The following SMC2 variants were observed in gnomAD, a reference collection of about 807,000 sequenced individuals.
SMC2 encodes the protein structural maintenance of chromosomes 2.
Under a neutral mutation model 142.6 loss-of-function variants are expected in SMC2, and 41 were observed. That is an observed-to-expected ratio of 0.29 (90% confidence interval 0.22 to 0.37). The LOEUF is 0.37. Ranked by LOEUF, SMC2 falls within the 10% of genes least tolerant of loss-of-function variation. The probability of loss-of-function intolerance (pLI) is 1.00; values close to 1 mark genes in which losing one functional copy is unlikely to be tolerated. For synonymous variants in SMC2, 463 were observed against 457.5 expected, an observed-to-expected ratio of 1.01 and a Z score of -0.15; for missense variants, 1,265 against 1,373.7, an observed-to-expected ratio of 0.92 and a Z score of 1.25.
chr9:104,096,916 T>A (rs1231844347), intron 3 of SMC2, among the ~76,000 whole-genome samples: 2 of 152,192 alleles, frequency 1.3e-5, no homozygotes, highest in Non-Finnish European at 2.9e-5. Flanking sequence ...TTCTTTCTTT[T>A]AATGGCACCT....
chr9:104,102,014 A>T lies in SMC2; in HGVS notation c.691A>T (p.Ser231Cys), dbSNP rs1034504889. ...AGTAATGAGAGAAATAGAACATTTG[A>T]GTCGTTTATATATTGCTTATCAGTT... Reference protein sequence around the residue: ...QKVMREIEHLSRLYIAYQFLL... With the variant: ...QKVMREIEHLCRLYIAYQFLL... The change falls in exon 8 of 25, where the codon AGT (serine) becomes TGT (cysteine). Residue 231 changes from serine to cysteine, a missense_variant. By Grantham distance (112) the Ser-to-Cys change is moderately radical. This residue lies in a region of SMC2 where 898 missense variants were observed against 904.2 expected (regional missense o/e 0.99). Coordinates refer to ENST00000374793, the MANE Select transcript of SMC2 (RefSeq NM_006444.3). 1 of 1,611,782 alleles carries T rather than the reference A, an allele frequency of 6.2e-7. No individual in the cohort carries two copies. The highest frequency in any genetic ancestry group is 1.7e-5 in the Admixed American group (1 of 59,760).
intron 9 of SMC2, among the ~76,000 whole-genome samples, chr9:104,104,878 C>T (rs1322818839): frequency 2.0e-5 from 3 of 152,210 alleles, no homozygotes; most frequent in Non-Finnish European, 4.4e-5. Context: ...CCCAGGAGGA[C>T]CACAGGCAGG....
intron 22 of SMC2, among the ~76,000 whole-genome samples, chr9:104,133,830 C>T (rs10991115): frequency 0.37 from 55,771 of 151,986 alleles, 10,616 homozygotes; most frequent in Middle Eastern, 0.43. Context: ...GGAGATGAGG[C>T]ATGTAGAAAA....
intron 9 of SMC2, among the ~76,000 whole-genome samples, chr9:104,110,794 G>A (rs1832351671): frequency 6.6e-6 from 1 of 152,170 alleles, no homozygotes; most frequent in African/African-American, 2.4e-5. Flanking sequence ...CCAGTCTTCT[G>A]TTCAAATGGC....
intron 13 of SMC2, among the ~76,000 whole-genome samples, chr9:104,115,925 A>G (rs543634900): frequency 4.0e-4 from 60 of 151,854 alleles, no homozygotes; most frequent in African/African-American, 1.4e-3. Flanking sequence ...TTTTTTTTTT[A>G]AAAGATTCCA....
chr9:104,132,105 C>T lies in SMC2; in HGVS notation c.3088C>T (p.Leu1030=), dbSNP rs138573495. 1.0e-4 allele frequency: 159 copies of T among 1,576,486 alleles called. No homozygotes were observed. Among genetic ancestry groups the T allele is most frequent in the Non-Finnish European group, 1.3e-4 (152 of 1,157,002 alleles). Residue 1030 remains leucine (L), a synonymous_variant, in exon 22 of 25, where the codon CTA becomes TTA. Transcript: ENST00000374793. Reference sequence around the variant, plus strand: ...CCTTGACCAGAAGAAAAACCAAGCCCTAAATATTGCATGGCAAAAGGTACT... The same window carrying T: ...CCTTGACCAGAAGAAAAACCAAGCCTTAAATATTGCATGGCAAAAGGTACT... ...EDLDQKKNQA[L]NIAWQKVNKD...
At chr9:104,134,934 TAA>T (rs1835371602) in intron 23 of SMC2, among the ~76,000 whole-genome samples, 2 of 152,094 alleles carry the variant, frequency 1.3e-5, no homozygotes, top group Non-Finnish European at 2.9e-5. Flanking sequence ...ATCACTAAGT[TAA>T]AAAGACAGAT....
rs768034031 is a variant in SMC2 at position 104,113,460 on chromosome 9, A to G, written c.1399A>G (p.Lys467Glu). 6.2e-7 allele frequency: 1 copy of G among 1,601,352 alleles called. No homozygotes were observed. The highest frequency in any genetic ancestry group is 1.7e-5 in the Admixed American group (1 of 57,512). Residue 467 changes from lysine (K) to glutamate (E), a missense_variant, in exon 11 of 25, where the codon AAG becomes GAG. Physicochemically the swap from Lys to Glu is moderately conservative, Grantham distance 56. Coordinates refer to ENST00000374793, the MANE Select transcript of SMC2 (RefSeq NM_006444.3). ...AGAAAAACTTGAAGCTGAAATGAAA[A>G]AGCTAAATTATGAAGGTTTGCCTTT... is the stretch of plus-strand genomic sequence containing the variant. ...LKEKLEAEMK[K>E]LNYEENKEES...
rs896600613 is a variant in SMC2 at position 104,124,355 on chromosome 9, G to T, written c.2258-557G>T. On this transcript the variant is annotated intron_variant, in intron 17 of 24. Coordinates refer to ENST00000374793, the MANE Select transcript of SMC2 (RefSeq NM_006444.3). ...CTGCCTTGGCTTCCCAAAGTGCTGG[G>T]ATTACACAGGCATGAACTACCACGC... 3.9e-5 allele frequency among the ~76,000 whole-genome samples: 6 copies of T among 152,102 alleles called. No individual in the cohort carries two copies. The East Asian group carries it at 1.2e-3, about 29-fold the overall frequency.
chr9:104,126,493 A>T (rs1834302946), intron 18 of SMC2, 148 bp from the exon 19 acceptor site: 1 of 478,926 alleles, frequency 2.1e-6, no homozygotes, highest in Non-Finnish European at 3.5e-6. Context: ...CTGGGGAAGC[A>T]GCTTAACCTG....
chr9:104,137,872 G>C, intron 23 of SMC2, 146 bp from the exon 24 acceptor site: 1 of 448,240 alleles, frequency 2.2e-6, no homozygotes, highest in Non-Finnish European at 3.7e-6. Context: ...AAGTGTTAAA[G>C]TTTGAAACTC....
rs1003426421 is a variant in SMC2, at chr9:104,140,496, AG to A, written c.*1182del. On this transcript the variant is annotated 3_prime_UTR_variant, in exon 25 of 25. Coordinates refer to ENST00000374793, the MANE Select transcript of SMC2 (RefSeq NM_006444.3). ...CTTGATTTTTTAGTCTTATTTCCTT[AG>A]TGTTATTATCATACTTCCCCTGATA... The A allele has an allele frequency of 6.6e-6, 1 of 152,402 alleles. No individual in the cohort carries two copies. Among genetic ancestry groups the A allele is most frequent in the Non-Finnish European group, 1.5e-5 (1 of 67,992 alleles). The allele number at this position is 152,402 out of a possible 1,614,324, so 9.4% of individuals were successfully genotyped here.
chr9:104,094,543 G>A, intron 1 of SMC2, 66 bp downstream of exon 1: 1 of 367,460 alleles, frequency 2.7e-6, no homozygotes, highest in African/African-American at 2.1e-5. Context: ...GGCGGGAGGC[G>A]GGAGGCGGGG....
At chr9:104,135,583 A>G (rs762341021) in intron 23 of SMC2, among the ~76,000 whole-genome samples, 29 of 152,276 alleles carry the variant, frequency 1.9e-4, no homozygotes, top group Non-Finnish European at 3.1e-4. Flanking sequence ...CTTGAGTTCT[A>G]TCAACCTCAG....
chr9:104,114,736 G>A lies in SMC2; in HGVS notation c.1578G>A (p.Val526=), dbSNP rs76464998. Residue 526 remains valine (V), a synonymous_variant, in exon 13 of 25, where the codon GTG becomes GTA. Coordinates refer to ENST00000374793, the MANE Select transcript of SMC2 (RefSeq NM_006444.3). ...NWNRNCVKGL[V]ASLISVKDTS... ...ATAGAAATTGTGTGAAAGGACTTGT[G>A]GCTTCTCTGATTAGTGTGAAAGACA... 3.0e-5 allele frequency: 49 copies of A among 1,613,040 alleles called. No homozygotes were observed. The East Asian group carries it at 1.1e-3, about 35-fold the overall frequency.
upstream of SMC2, among the ~76,000 whole-genome samples, chr9:104,094,004 C>T (rs1427622820): frequency 6.6e-6 from 1 of 152,198 alleles, no homozygotes; most frequent in African/African-American, 2.4e-5. Flanking sequence ...TGCAGTGTGC[C>T]TAACGCGAAC....
At chr9:104,102,772 TAAAG>T (rs1298153668) in intron 9 of SMC2, among the ~76,000 whole-genome samples, 199 bp downstream of exon 9, 1 of 151,864 alleles carries the variant, frequency 6.6e-6, no homozygotes, top group Non-Finnish European at 1.5e-5. Flanking sequence ...GAAATGATAA[TAAAG>T]AAAATAAATA....
chr9:104,124,844 AT>A, intron 17 of SMC2, 67 bp from the exon 18 acceptor site: 1 of 1,236,096 alleles, frequency 8.1e-7, no homozygotes. Context: ...CATTTCTTCT[AT>A]TAAAAGTTGA....
intron 23 of SMC2, among the ~76,000 whole-genome samples, 175 bp from the exon 24 acceptor site, chr9:104,137,843 T>TATATAAAAGA (rs200376766): frequency 0.056 from 8,582 of 152,106 alleles, 643 homozygotes; most frequent in African/African-American, 0.18. Context: ...ATAAAAGAAA[T>TATATAAAAGA]AATATTTTAA....
Sources: gnomAD v4.1 joint callset for allele counts (sites outside exome capture counted in the v4.1 genomes callset) on GRCh38, gnomAD v4.1.1 for gene constraint, gnomAD v4.1.1 regional missense constraint, MANE v1.5 for transcripts, NCBI Gene and HGNC (gene_info 2026-07-23, HGNC 2026-07-21) for gene names.